The following NELL1 variants were observed in gnomAD, a reference collection of about 807,000 sequenced individuals.
The protein encoded by NELL1 is neural EGFL like 1, also known as protein kinase C-binding protein NELL1.
In NELL1, 76 loss-of-function variants were observed where a neutral mutation model predicts 107.4. The ratio of observed to expected loss-of-function variants is 0.71; its 90% CI spans 0.59 to 0.86. The LOEUF (loss-of-function observed/expected upper bound fraction) is 0.86, where lower values mean the gene tolerates loss of function less well. NELL1 is among the 40% of genes least tolerant of loss of function. The pLI, the probability that NELL1 is intolerant of heterozygous loss-of-function variation, is 0.00. For missense variants in NELL1, 1,024 were observed against 1,005.5 expected, an observed-to-expected ratio of 1.02 and a Z score of -0.25; for synonymous variants, 353 against 341.2, an observed-to-expected ratio of 1.03 and a Z score of -0.38.
At chr11:20,957,625 A>C (rs1851202993) in intron 11 of NELL1, among the ~76,000 whole-genome samples, 1 of 152,226 alleles carries the variant, frequency 6.6e-6, no homozygotes, top group Non-Finnish European at 1.5e-5. Context: ...AAATATTTAT[A>C]TGTAACATGT....
In NELL1 at chr11:21,364,279, C is replaced by T. The variant is rs570681075; in HGVS notation, c.1550-6574C>T. Among the ~76,000 whole-genome samples, 14 of 151,638 alleles carry T rather than the reference C, an allele frequency of 9.2e-5. No individual in the cohort carries two copies. In the South Asian group the frequency reaches 1.3e-3, roughly 14 times the overall value. On this transcript the variant is annotated intron_variant, in intron 14 of 19. Transcript: ENST00000357134. ...CAAAAAAATTAGCTGGGCGTGGTGG[C>T]GGGTGCCTATAATCCTAGCTACTCG...
chr11:21,413,162 C>T (rs883128), intron 15 of NELL1, among the ~76,000 whole-genome samples: 12,764 of 152,102 alleles, frequency 0.084, 718 homozygotes, highest in South Asian at 0.15. Context: ...CTCACTGCCA[C>T]GGTTCTCAGT....
chr11:21,037,308 T>C (rs1183418569), intron 12 of NELL1, among the ~76,000 whole-genome samples: 3 of 152,162 alleles, frequency 2.0e-5, no homozygotes, highest in African/African-American at 7.2e-5. Context: ...TGGCTTCTTC[T>C]AAGTGCATTT....
intron 14 of NELL1, among the ~76,000 whole-genome samples, chr11:21,254,412 C>A (rs1858718116): frequency 6.6e-6 from 1 of 151,784 alleles, no homozygotes; most frequent in African/African-American, 2.4e-5. Flanking sequence ...AATTCAATGC[C>A]CAGCAAACAA....
chr11:21,205,499 T>C (rs1406287406), intron 13 of NELL1, among the ~76,000 whole-genome samples: 1 of 152,148 alleles, frequency 6.6e-6, no homozygotes, highest in East Asian at 1.9e-4. Flanking sequence ...CAGGTGGACT[T>C]CAGACCGCCG....
intron 3 of NELL1, among the ~76,000 whole-genome samples, chr11:20,840,889 C>T (rs1038967070): frequency 6.6e-6 from 1 of 152,178 alleles, no homozygotes; most frequent in Non-Finnish European, 1.5e-5. Flanking sequence ...CCATGTAATT[C>T]AGGTTATCTG....
intron 5 of NELL1, among the ~76,000 whole-genome samples, chr11:20,904,927 C>T (rs529527541): frequency 1.3e-5 from 2 of 151,536 alleles, no homozygotes; most frequent in Admixed American, 6.6e-5. Context: ...CTCCTGGGCT[C>T]GTGTAATCAT....
intron 15 of NELL1, among the ~76,000 whole-genome samples, chr11:21,474,972 G>A (rs539178864): frequency 6.6e-6 from 1 of 152,176 alleles, no homozygotes; most frequent in African/African-American, 2.4e-5. Context: ...TATCAGAACT[G>A]GAAGGCATCT....
intron 14 of NELL1, among the ~76,000 whole-genome samples, chr11:21,349,299 T>C (rs1209515465): frequency 3.3e-5 from 5 of 152,144 alleles, no homozygotes; most frequent in Non-Finnish European, 7.4e-5. Flanking sequence ...TGTATGACAA[T>C]AGTTAGCCTA....
At chr11:20,778,816 A>C (rs1856800294) in intron 2 of NELL1, among the ~76,000 whole-genome samples, 1 of 152,206 alleles carries the variant, frequency 6.6e-6, no homozygotes, top group Non-Finnish European at 1.5e-5. Flanking sequence ...AAATTCAAAT[A>C]CTTGAATCAT....
chr11:21,060,625 T>C (rs1275020948), intron 12 of NELL1, among the ~76,000 whole-genome samples: 1 of 152,226 alleles, frequency 6.6e-6, no homozygotes, highest in East Asian at 1.9e-4. Flanking sequence ...AGAAAATTCT[T>C]GAATTGTCTA....
At chr11:21,002,981 GAATTAATATTA>G (rs145285288) in intron 12 of NELL1, among the ~76,000 whole-genome samples, 2,357 of 152,084 alleles carry the variant, frequency 0.015, 59 homozygotes, top group African/African-American at 0.053. Flanking sequence ...ACTACTAATA[GAATTAATATTA>G]AATTAATATT....
intron 15 of NELL1, among the ~76,000 whole-genome samples, chr11:21,520,884 T>C (rs192174665): frequency 9.1e-4 from 139 of 152,372 alleles, no homozygotes; most frequent in Admixed American, 1.2e-3. Flanking sequence ...TTTTTTGGTC[T>C]CTCATTTGTT....
intron 2 of NELL1, among the ~76,000 whole-genome samples, chr11:20,736,476 T>C (rs1206367029): frequency 6.6e-6 from 1 of 152,120 alleles, no homozygotes; most frequent in Non-Finnish European, 1.5e-5. Context: ...CCTGTCATCA[T>C]GGTTTAGGAT....
chr11:20,780,797 C>T (rs537570552), intron 2 of NELL1, among the ~76,000 whole-genome samples: 1 of 152,168 alleles, frequency 6.6e-6, no homozygotes, highest in African/African-American at 2.4e-5. Flanking sequence ...GAGAAGAGCA[C>T]TGTGGGCAGA....
intron 3 of NELL1, among the ~76,000 whole-genome samples, chr11:20,820,802 C>A (rs77787858): frequency 6.6e-6 from 1 of 152,158 alleles, no homozygotes; most frequent in Non-Finnish European, 1.5e-5. Flanking sequence ...TATTAGAGAG[C>A]CTTCCTTGAT....
chr11:20,933,395 A>G (rs1850657312), intron 9 of NELL1, among the ~76,000 whole-genome samples: 1 of 152,236 alleles, frequency 6.6e-6, no homozygotes, highest in South Asian at 2.1e-4. Context: ...GGTGTGATTA[A>G]CAGAAATAAG....
Position 21,088,527 on chromosome 11 carries a change from A to G in NELL1, c.1301-25062A>G, listed in dbSNP as rs60547821. On this transcript the variant is annotated intron_variant, in intron 12 of 19. Transcript: ENST00000357134. ...GGCTCTTCTTGGGTAAATTATACAC[A>G]TAAGTCAGACAAATTCAACAGATTT... Among the ~76,000 whole-genome samples, 1,709 of 152,276 alleles carry G rather than the reference A, an allele frequency of 0.011. 59 individuals carry two copies. The South Asian group carries it at 0.12, about 11-fold the overall frequency.
At chr11:21,271,621 T>C (rs1422965751) in intron 14 of NELL1, among the ~76,000 whole-genome samples, 1 of 152,158 alleles carries the variant, frequency 6.6e-6, no homozygotes, top group Admixed American at 6.5e-5. Flanking sequence ...TCCAAATTCT[T>C]TGTGAGGCCA....
Sources: gnomAD v4.1 joint callset for allele counts (sites outside exome capture counted in the v4.1 genomes callset) on GRCh38, gnomAD v4.1.1 for gene constraint, MANE v1.5 for transcripts, NCBI Gene and HGNC (gene_info 2026-07-23, HGNC 2026-07-21) for gene names.